Variants in HAS3 observed in about 807,000 individuals in gnomAD.
HAS3 encodes HA synthase 3.
HAS3 carries 27 observed loss-of-function variants against 50.3 expected under a neutral mutation model. The ratio of observed to expected loss-of-function variants is 0.54; its 90% CI spans 0.40 to 0.74. HAS3 has a LOEUF of 0.74. Ranked by LOEUF, HAS3 falls within the 30% of genes least tolerant of loss-of-function variation. HAS3 has a pLI of 0.00. For missense variants in HAS3, 517 were observed against 742.8 expected (o/e 0.70, Z 3.53); for synonymous variants, 339 against 310.9 (o/e 1.09, Z -0.95).
In HAS3 at chr16:69,107,720, C is replaced by G. The variant is rs569922081; in HGVS notation, c.1-1676C>G. 3.4e-3 allele frequency: 3,367 copies of G among 984,582 alleles called. 7 individuals are homozygous for G. Among genetic ancestry groups the G allele is most frequent in the Non-Finnish European group, 3.8e-3 (3,169 of 829,152 alleles). 61.0% of individuals were successfully genotyped at this position (984,582 alleles called of 1,614,324 possible). A position where few individuals can be genotyped will look rare whatever the true frequency, so the allele number is the denominator to read the frequency against. On this transcript the variant is annotated intron_variant, in intron 1 of 3. Coordinates refer to ENST00000569188, the MANE Select transcript of HAS3 (RefSeq NM_001199280.2). The surrounding 1 kb of genome is among the most constrained non-coding windows in gnomAD (Gnocchi z 5.5). ...TGTAAGCTCCGGAGGGGAATGGGGGCGCTCCTAGGCTGCGGATGCAGGCCT... is the reference window on the plus strand; with the variant it reads ...TGTAAGCTCCGGAGGGGAATGGGGGGGCTCCTAGGCTGCGGATGCAGGCCT...
At chr16:69,099,608 G>A in the HAS3 span, among the ~76,000 whole-genome samples, 2 of 152,188 alleles carry the variant, frequency 1.3e-5, no homozygotes, top group African/African-American at 4.8e-5. Flanking sequence ...TTACAGGCGT[G>A]AGCCACCGCG....
At position 69,115,775 on chromosome 16, in the gene HAS3, T is replaced by A. The variant is rs1435632251; in HGVS notation, c.*509T>A. On this transcript the variant is annotated 3_prime_UTR_variant, in exon 4 of 4. Coordinates refer to ENST00000569188, the MANE Select transcript of HAS3 (RefSeq NM_001199280.2). Reference sequence around the variant, plus strand: ...CAATGCAATAAGATTGCGCCTGAGATACAAGGCCCAGAAGCCTGATCTTTG... The same window carrying A: ...CAATGCAATAAGATTGCGCCTGAGAAACAAGGCCCAGAAGCCTGATCTTTG... The A allele has an allele frequency of 1.0e-6, 1 of 985,978 alleles. No individual in the cohort carries two copies. The allele number at this position is 985,978 out of a possible 1,614,324, so 61.1% of individuals were successfully genotyped here.
chr16:69,118,066 C>A, downstream of HAS3: 1 of 478,388 alleles, frequency 2.1e-6, no homozygotes, highest in South Asian at 2.7e-5. Context: ...GCAGGAAAAC[C>A]ACCAACCATC....
chr16:69,105,950 G>C (rs1193888748), intron 1 of HAS3, among the ~76,000 whole-genome samples, 163 bp downstream of exon 1: 2 of 152,262 alleles, frequency 1.3e-5, no homozygotes, highest in Non-Finnish European at 2.9e-5. Flanking sequence ...GGCGATTGCA[G>C]AGCCGCGTGG....
intron 3 of HAS3, among the ~76,000 whole-genome samples, 195 bp downstream of exon 3, chr16:69,113,737 G>T (rs1473241426): frequency 1.3e-5 from 2 of 152,136 alleles, no homozygotes; most frequent in African/African-American, 4.8e-5. Context: ...CACATGAGGG[G>T]AAGTCACTTA....
chr16:69,100,942 C>T (rs1367436804), upstream of HAS3, among the ~76,000 whole-genome samples: 1 of 152,160 alleles, frequency 6.6e-6, no homozygotes, highest in Non-Finnish European at 1.5e-5. Context: ...TTCCTTGTCA[C>T]TGCCTGTGCT....
At chr16:69,102,696 G>T (rs143602359), upstream of HAS3, among the ~76,000 whole-genome samples, 1 of 152,300 alleles carries the variant, frequency 6.6e-6, no homozygotes, top group Non-Finnish European at 1.5e-5. Context: ...AGGTTTTCAT[G>T]GACTCGTGAG....
chr16:69,090,218 G>A, the HAS3 span, among the ~76,000 whole-genome samples: 4 of 152,106 alleles, frequency 2.6e-5, no homozygotes, highest in Non-Finnish European at 5.9e-5. Context: ...CCAAGAAGGC[G>A]TTTGTGCTCC....
At position 69,115,353 on chromosome 16, in the gene HAS3, G is replaced by A; in HGVS notation, c.*87G>A. 1 of 1,456,012 alleles carries A rather than the reference G, an allele frequency of 6.9e-7. No individual in the cohort carries two copies. The highest frequency in any genetic ancestry group is 9.0e-7 in the Non-Finnish European group (1 of 1,110,072). 90.2% of individuals were successfully genotyped at this position (1,456,012 alleles called of 1,614,324 possible). A position where few individuals can be genotyped will look rare whatever the true frequency, so the allele number is the denominator to read the frequency against. ...GAAAAGACAGGGTGGGAGGGAGGAG[G>A]GAGTGCTGTGTTTTAGTCTCTTAAT... On this transcript the variant is annotated 3_prime_UTR_variant, in exon 4 of 4. Transcript: ENST00000569188.
At chr16:69,090,725 G>A in the HAS3 span, among the ~76,000 whole-genome samples, 27 of 122,876 alleles carry the variant, frequency 2.2e-4, no homozygotes, top group Admixed American at 8.0e-5. Flanking sequence ...GTGCTACCAC[G>A]CCTGGCTAAT....
the HAS3 span, among the ~76,000 whole-genome samples, chr16:69,096,360 GTC>G: frequency 6.6e-6 from 1 of 151,138 alleles, no homozygotes; most frequent in African/African-American, 2.4e-5. Flanking sequence ...GTGAAACCCT[GTC>G]TCTACTAAAA....
At position 69,109,461 on chromosome 16, in the gene HAS3, G is replaced by T; in HGVS notation, c.66G>T (p.Leu22=). The T allele has an allele frequency of 6.2e-7, 1 of 1,613,610 alleles. No homozygotes were observed. ...CCAGCCTGTTTGCCCTGGCAGTGCT[G>T]GGTGGCATCCTGGCAGCCTATGTGA... ...VGTSLFALAV[L]GGILAAYVTG... is the part of the protein sequence containing the mutation. Residue 22 remains leucine (L), a synonymous_variant, in exon 2 of 4, where the codon CTG becomes CTT. Transcript: ENST00000569188. The surrounding 1 kb of genome is among the most constrained non-coding windows in gnomAD (Gnocchi z 5.3).
At chr16:69,094,410 T>A in the HAS3 span, among the ~76,000 whole-genome samples, 2 of 152,224 alleles carry the variant, frequency 1.3e-5, no homozygotes, top group African/African-American at 4.8e-5. Flanking sequence ...ATGTTAATCC[T>A]AGAGAAAGGC....
chr16:69,117,899 CA>C (rs1439007137), downstream of HAS3: 1 of 172,010 alleles, frequency 5.8e-6, no homozygotes, highest in African/African-American at 2.4e-5. Flanking sequence ...CCTCTTGGAG[CA>C]AAAGCATTTT....
chr16:69,104,183 T>C (rs1351000638), upstream of HAS3, among the ~76,000 whole-genome samples: 5 of 151,622 alleles, frequency 3.3e-5, no homozygotes, highest in Admixed American at 3.3e-4. Context: ...CTTGACCTCC[T>C]GGGCTCAAGC....
At chr16:69,086,524 G>GTA in the HAS3 span, among the ~76,000 whole-genome samples, 4 of 103,922 alleles carry the variant, frequency 3.8e-5, no homozygotes, top group Non-Finnish European at 7.8e-5. Context: ...TCTATATTAT[G>GTA]TGTGTGTGTG....
Position 69,115,411 on chromosome 16 carries a change from G to T in HAS3, c.*145G>T. 7.2e-7 allele frequency: 1 copy of T among 1,383,786 alleles called. No individual in the cohort carries two copies. Among genetic ancestry groups the T allele is most frequent in the Non-Finnish European group, 9.3e-7 (1 of 1,073,504 alleles). The allele number at this position is 1,383,786 out of a possible 1,614,324, so 85.7% of individuals were successfully genotyped here. A position where few individuals can be genotyped will look rare whatever the true frequency, so the allele number is the denominator to read the frequency against. On this transcript the variant is annotated 3_prime_UTR_variant, in exon 4 of 4. Coordinates refer to ENST00000569188, the MANE Select transcript of HAS3 (RefSeq NM_001199280.2). ...AGGACAAATCTAAAATGCAAAGAAC[G>T]GTGATGTAGTATGGCCTGACAGCTC...
At chr16:69,104,448 C>T (rs1472895810), upstream of HAS3, among the ~76,000 whole-genome samples, 1 of 152,114 alleles carries the variant, frequency 6.6e-6, no homozygotes, top group East Asian at 1.9e-4. Context: ...AGGCACGTGC[C>T]ACCATGCCTG....
rs1960859700 is a variant in HAS3, at chr16:69,107,840, T to TG, written c.1-1552dup. On this transcript the variant is annotated intron_variant, in intron 1 of 3. Coordinates refer to ENST00000569188, the MANE Select transcript of HAS3 (RefSeq NM_001199280.2). The surrounding 1 kb of genome is among the most constrained non-coding windows in gnomAD (Gnocchi z 5.5). ...GCACACGGCGGGCTCCCCGGGACGGTGGGGCAGAGCGCCCGGAGGCCGCGC... is the reference window on the plus strand; with the variant it reads ...GCACACGGCGGGCTCCCCGGGACGGTGGGGGCAGAGCGCCCGGAGGCCGCGC... 2.2e-6 allele frequency: 1 copy of TG among 454,756 alleles called. No individual in the cohort carries two copies. The highest frequency in any genetic ancestry group is 2.9e-6 in the Non-Finnish European group (1 of 344,612). 28.2% of individuals were successfully genotyped at this position (454,756 alleles called of 1,614,324 possible). A position where few individuals can be genotyped will look rare whatever the true frequency, so the allele number is the denominator to read the frequency against.
Sources: allele counts gnomAD v4.1 joint callset (sites outside exome capture counted in the v4.1 genomes callset), GRCh38; gene constraint gnomAD v4.1.1; non-coding constraint Gnocchi (gnomAD v3.1); transcripts MANE v1.5; gene names NCBI Gene and HGNC (gene_info 2026-07-23, HGNC 2026-07-21).